C12orf42: variants seen among roughly 807,000 people sequenced by gnomAD.
C12orf42 encodes chromosome 12 open reading frame 42.
In C12orf42, 25 loss-of-function variants were observed where a neutral mutation model predicts 21.6. The observed-to-expected ratio is 1.16, with a 90% confidence interval of 0.84 to 1.62. C12orf42 has a LOEUF of 1.62. Among genes scored for constraint, C12orf42 ranks in the 40% most tolerant of loss-of-function variants. The probability of loss-of-function intolerance (pLI) is 0.00; values close to 1 mark genes in which losing one functional copy is unlikely to be tolerated. For missense variants in C12orf42, 483 were observed against 459.3 expected (o/e 1.05, Z -0.47); for synonymous variants, 174 against 175.0 (o/e 0.99, Z 0.05).
At chr12:103,221,621 C>T in the C12orf42 span, among the ~76,000 whole-genome samples, 1 of 152,182 alleles carries the variant, frequency 6.6e-6, no homozygotes, top group African/African-American at 2.4e-5. Flanking sequence ...GTTAGTTACT[C>T]AAGAGCATCT....
chr12:103,378,000 A>C (rs528651916), intron 3 of C12orf42, among the ~76,000 whole-genome samples: 10 of 152,184 alleles, frequency 6.6e-5, no homozygotes, highest in Non-Finnish European at 1.0e-4. Flanking sequence ...TCAATCTTTC[A>C]AAATCATGTG....
At chr12:103,368,826 G>T in intron 4 of C12orf42, 61 bp downstream of exon 4, 1 of 851,272 alleles carries the variant, frequency 1.2e-6, no homozygotes, top group Non-Finnish European at 1.9e-6. Context: ...ATTATTACCT[G>T]TACATAGTCC....
chr12:103,264,802 A>C (rs2035082469), downstream of C12orf42, among the ~76,000 whole-genome samples: 1 of 152,156 alleles, frequency 6.6e-6, no homozygotes, highest in Admixed American at 6.5e-5. Context: ...CTCCAGTCAT[A>C]TATGGCACTT....
chr12:103,504,243 T>TCAC, the C12orf42 span: 6 of 153,608 alleles, frequency 3.9e-5, no homozygotes, highest in African/African-American at 1.4e-4. Flanking sequence ...GGGACCTGAA[T>TCAC]CACCACCAGG....
chr12:103,076,525 AGGGCCAATTTTACAAAGTCGCAAGG>A, the C12orf42 span, among the ~76,000 whole-genome samples: 1 of 152,146 alleles, frequency 6.6e-6, no homozygotes, highest in East Asian at 1.9e-4. Context: ...AACTGGTTCC[AGGGCCAATTTTACAAAGTCGCAAGG>A]GGGACTTTTT....
chr12:103,049,822 G>A, the C12orf42 span, among the ~76,000 whole-genome samples: 1 of 152,006 alleles, frequency 6.6e-6, no homozygotes, highest in South Asian at 2.1e-4. Context: ...GTTTCCTGGT[G>A]TCCTTCAGTT....
chr12:103,553,080 G>A, the C12orf42 span, among the ~76,000 whole-genome samples: 2 of 152,116 alleles, frequency 1.3e-5, no homozygotes, highest in African/African-American at 4.8e-5. Flanking sequence ...CACAAAGCCT[G>A]ACCATATCAG....
At chr12:103,273,459 T>C (rs981792295) in intron 5 of C12orf42, among the ~76,000 whole-genome samples, 2 of 152,296 alleles carry the variant, frequency 1.3e-5, no homozygotes, top group African/African-American at 4.8e-5. Context: ...TAGACTGTAA[T>C]GGAGGGTGTT....
At chr12:103,155,671 T>TATACATACATATGTATATATACAC in the C12orf42 span, among the ~76,000 whole-genome samples, 26 of 149,018 alleles carry the variant, frequency 1.7e-4, no homozygotes, top group Admixed American at 1.4e-3. Flanking sequence ...TATACATATA[T>TATACATACATATGTATATATACAC]ATACATACAT....
chr12:103,113,612 G>A, the C12orf42 span, among the ~76,000 whole-genome samples: 3 of 151,684 alleles, frequency 2.0e-5, no homozygotes, highest in East Asian at 5.8e-4. Flanking sequence ...GGACCTTGAT[G>A]TTGCTTACCA....
At chr12:103,395,661 T>C (rs973345466) in intron 3 of C12orf42, among the ~76,000 whole-genome samples, 1 of 152,182 alleles carries the variant, frequency 6.6e-6, no homozygotes, top group Non-Finnish European at 1.5e-5. Flanking sequence ...ACAATGTGTA[T>C]AATGTTTCTT....
the C12orf42 span, among the ~76,000 whole-genome samples, chr12:103,104,157 G>C: frequency 6.6e-6 from 1 of 152,164 alleles, no homozygotes; most frequent in East Asian, 1.9e-4. Flanking sequence ...ATATGTATCT[G>C]TATAAGTAAG....
the C12orf42 span, chr12:103,506,313 C>G: frequency 7.3e-6 from 1 of 136,974 alleles, no homozygotes; most frequent in Non-Finnish European, 1.6e-5. Context: ...CACCACCCCC[C>G]CACACACACA....
the C12orf42 span, among the ~76,000 whole-genome samples, chr12:103,055,861 G>T: frequency 1.3e-4 from 19 of 151,998 alleles, no homozygotes; most frequent in Admixed American, 1.2e-3. Flanking sequence ...GATTTTTTCT[G>T]TCATTGATTT....
intron 4 of C12orf42, among the ~76,000 whole-genome samples, chr12:103,359,248 T>G (rs2043865159): frequency 6.6e-6 from 1 of 152,110 alleles, no homozygotes; most frequent in African/African-American, 2.4e-5. Flanking sequence ...TTTAAAGATC[T>G]GGTTCATTGA....
chr12:103,061,692 A>T, the C12orf42 span, among the ~76,000 whole-genome samples: 1 of 151,822 alleles, frequency 6.6e-6, no homozygotes, highest in East Asian at 1.9e-4. Context: ...TAGCTATATC[A>T]GCTTTCTTTG....
chr12:103,199,827 A>T, the C12orf42 span, among the ~76,000 whole-genome samples: 4 of 152,316 alleles, frequency 2.6e-5, no homozygotes, highest in South Asian at 8.3e-4. Context: ...TAGAAAATGG[A>T]AGATAAATAC....
At chr12:103,140,276 C>T in the C12orf42 span, among the ~76,000 whole-genome samples, 1 of 152,096 alleles carries the variant, frequency 6.6e-6, no homozygotes, top group Admixed American at 6.5e-5. Context: ...GTTTTGATAC[C>T]TTGTGGCAGG....
At chr12:103,491,186 C>T (rs1050255913) in intron 1 of C12orf42, among the ~76,000 whole-genome samples, 2 of 152,114 alleles carry the variant, frequency 1.3e-5, no homozygotes, top group African/African-American at 4.8e-5. Flanking sequence ...AAGCATTTTT[C>T]ATCTTTGTCA....
Sources: allele counts gnomAD v4.1 joint callset (sites outside exome capture counted in the v4.1 genomes callset), GRCh38; gene constraint gnomAD v4.1.1; transcripts MANE v1.5; gene names NCBI Gene and HGNC (gene_info 2026-07-23, HGNC 2026-07-21).